The following ZMYM2 variants were observed in gnomAD, a reference collection of about 807,000 sequenced individuals.
The protein encoded by ZMYM2 is zinc finger MYM-type containing 2.
In ZMYM2, 56 loss-of-function variants were observed where a neutral mutation model predicts 162.8. The ratio of observed to expected loss-of-function variants is 0.34; its 90% CI spans 0.28 to 0.43. The LOEUF is 0.43. Ranked by LOEUF, ZMYM2 falls within the 20% of genes least tolerant of loss-of-function variation. The pLI is 1.00. For missense variants in ZMYM2, 1,275 were observed against 1,621.8 expected, an observed-to-expected ratio of 0.79 and a Z score of 3.67; for synonymous variants, 510 against 541.6, an observed-to-expected ratio of 0.94 and a Z score of 0.81.
At chr13:20,007,221 C>T (rs555887601) in intron 6 of ZMYM2, among the ~76,000 whole-genome samples, 6 of 152,098 alleles carry the variant, frequency 3.9e-5, no homozygotes, top group East Asian at 3.9e-4. Flanking sequence ...CTGCAACCTC[C>T]GCCTCCCAGG....
chr13:19,946,400 G>GTT, the ZMYM2 span, among the ~76,000 whole-genome samples: 1 of 152,150 alleles, frequency 6.6e-6, no homozygotes, highest in East Asian at 1.9e-4. Context: ...CTTAGGAGAA[G>GTT]TTTAATTCTT....
chr13:20,015,611 T>C (rs1951556178), intron 6 of ZMYM2, among the ~76,000 whole-genome samples: 1 of 152,204 alleles, frequency 6.6e-6, no homozygotes, highest in African/African-American at 2.4e-5. Flanking sequence ...TTATTGTCTA[T>C]TTCTCCTTTT....
At chr13:19,895,638 G>A in the ZMYM2 span, among the ~76,000 whole-genome samples, 151,816 of 151,818 alleles carry the variant, frequency 1, 75,907 homozygotes, top group Non-Finnish European at 1. Flanking sequence ...GTAATCCATG[G>A]ATAGATGAAT....
chr13:19,992,722 T>C (rs1949723898), intron 2 of ZMYM2, among the ~76,000 whole-genome samples: 1 of 152,094 alleles, frequency 6.6e-6, no homozygotes, highest in Non-Finnish European at 1.5e-5. Flanking sequence ...TTTATCCATA[T>C]TTTTAGTGAT....
intron 1 of ZMYM2, among the ~76,000 whole-genome samples, chr13:19,959,254 C>CG (rs1954894653): frequency 9.0e-6 from 1 of 111,508 alleles, no homozygotes; most frequent in Non-Finnish European, 1.9e-5. Flanking sequence ...TTCTCTCCGG[C>CG]GGGGGGCGGG....
At chr13:19,936,152 C>T in the ZMYM2 span, among the ~76,000 whole-genome samples, 1 of 152,080 alleles carries the variant, frequency 6.6e-6, no homozygotes, top group Non-Finnish European at 1.5e-5. Context: ...AATATGTGAA[C>T]CTTTTCTATA....
chr13:19,976,042 A>T (rs1956757886), intron 2 of ZMYM2, among the ~76,000 whole-genome samples: 1 of 152,074 alleles, frequency 6.6e-6, no homozygotes, highest in African/African-American at 2.4e-5. Context: ...TTAGAAAAAC[A>T]GCAATCCTAG....
At chr13:19,902,291 GA>G in the ZMYM2 span, among the ~76,000 whole-genome samples, 1 of 152,122 alleles carries the variant, frequency 6.6e-6, no homozygotes, top group Non-Finnish European at 1.5e-5. Context: ...TCCGTTTTTT[GA>G]AATGAAAACA....
the ZMYM2 span, among the ~76,000 whole-genome samples, chr13:19,873,313 C>G: frequency 1.3e-5 from 2 of 152,190 alleles, no homozygotes; most frequent in South Asian, 4.1e-4. Flanking sequence ...GGCCCCTCGG[C>G]CTTTCCCTCT....
intron 2 of ZMYM2, among the ~76,000 whole-genome samples, chr13:19,962,907 C>T (rs1011825237): frequency 6.7e-6 from 1 of 149,964 alleles, no homozygotes; most frequent in African/African-American, 2.5e-5. Flanking sequence ...CTGCAGCCTC[C>T]GCCTCCAGGG....
chr13:19,919,030 C>G, the ZMYM2 span, among the ~76,000 whole-genome samples: 2 of 152,156 alleles, frequency 1.3e-5, no homozygotes, highest in African/African-American at 2.4e-5. Context: ...TCTCTACCGC[C>G]TTTCCCTAAT....
In ZMYM2 at chr13:19,993,173, C is replaced by T. The variant is rs957072535; in HGVS notation, c.101C>T (p.Ser34Leu). 6.2e-6 allele frequency: 10 copies of T among 1,613,986 alleles called. No homozygotes were observed. The highest frequency in any genetic ancestry group is 8.5e-6 in the Non-Finnish European group (10 of 1,180,016). The change falls in exon 3 of 25, where the codon TCA (serine) becomes TTA (leucine). Residue 34 changes from serine (S) to leucine (L), a missense_variant. Ser to Leu is a moderately radical substitution (Grantham distance 145). Around this residue, in one of 10 missense-constraint regions of ZMYM2, gnomAD observed 295 missense variants for 286.7 expected, o/e 1.03. Transcript: ENST00000610343. ...MATSLTNVGN[S>L]FSGPANPLVS... ...ACTAGTCTCACGAATGTAGGAAACT[C>T]ATTTAGTGGTCCAGCTAATCCTTTA...
chr13:19,990,852 T>C (rs182510553), intron 2 of ZMYM2, among the ~76,000 whole-genome samples: 7 of 152,314 alleles, frequency 4.6e-5, no homozygotes. Context: ...CCATTCATCC[T>C]ATCTACAATT....
the ZMYM2 span, among the ~76,000 whole-genome samples, chr13:19,914,693 AT>A: frequency 1.3e-5 from 2 of 152,230 alleles, no homozygotes; most frequent in Admixed American, 6.5e-5. Flanking sequence ...CCACCATGGT[AT>A]TCCACAAAGC....
Position 20,067,520 on chromosome 13 carries a change from G to A in ZMYM2, c.3453+130G>A, listed in dbSNP as rs1432895900. 3 of 923,716 alleles carry A rather than the reference G, an allele frequency of 3.2e-6. No homozygotes were observed. The East Asian group carries it at 8.1e-5, about 25-fold the overall frequency. The allele number at this position is 923,716 out of a possible 1,614,324, so 57.2% of individuals were successfully genotyped here. Reference sequence around the variant, plus strand: ...ACATCTACAAAGTTGTATGTTTGCTGCCATTTATATATAAATGATAATCAG... The same window carrying A: ...ACATCTACAAAGTTGTATGTTTGCTACCATTTATATATAAATGATAATCAG... On this transcript the variant is annotated intron_variant, in intron 21 of 24. Coordinates refer to ENST00000610343, the MANE Select transcript of ZMYM2 (RefSeq NM_197968.4).
intron 15 of ZMYM2, 164 bp downstream of exon 15, chr13:20,058,868 G>A (rs764276590): frequency 1.1e-5 from 10 of 885,680 alleles, no homozygotes; most frequent in South Asian, 9.3e-5. Flanking sequence ...GGAGAATACA[G>A]CATCTCATTT....
At chr13:19,936,759 C>G in the ZMYM2 span, among the ~76,000 whole-genome samples, 1 of 151,888 alleles carries the variant, frequency 6.6e-6, no homozygotes, top group African/African-American at 2.4e-5. Context: ...AAGAGAACAA[C>G]ACTTAAAAAA....
In ZMYM2 at chr13:20,062,867, T is replaced by G; in HGVS notation, c.2933T>G (p.Ile978Arg). 6.3e-7 allele frequency: 1 copy of G among 1,581,910 alleles called. No homozygotes were observed. The highest frequency in any genetic ancestry group is 1.8e-5 in the Admixed American group (1 of 54,974). ...TCAGGTGTAATTATTGAAACAGATA[T>G]AATTGGTTCAGACCTTTTGAAGAAC... ...NINSVIIETDIIGSDLLKNSD... is the reference protein window; with the variant it reads ...NINSVIIETDRIGSDLLKNSD... The change falls in exon 18 of 25, where the codon ATA becomes AGA. Residue 978 changes from isoleucine to arginine, a missense_variant. Transcript: ENST00000610343.
intron 6 of ZMYM2, among the ~76,000 whole-genome samples, chr13:20,009,795 C>T (rs565401162): frequency 2.2e-4 from 34 of 152,250 alleles, no homozygotes; most frequent in African/African-American, 7.9e-4. Context: ...ATGCCACATT[C>T]TGTTTATCGA....
Sources: allele counts gnomAD v4.1 joint callset (sites outside exome capture counted in the v4.1 genomes callset), GRCh38; gene constraint gnomAD v4.1.1; regional missense constraint gnomAD v4.1.1; transcripts MANE v1.5; gene names NCBI Gene and HGNC (gene_info 2026-07-23, HGNC 2026-07-21).